BTF3L4: variants seen among roughly 807,000 people sequenced by gnomAD.
The protein encoded by BTF3L4 is basic transcription factor 3 like 4.
BTF3L4 carries 6 observed loss-of-function variants against 16.8 expected under a neutral mutation model. The observed-to-expected ratio is 0.36, with a 90% CI of 0.20 to 0.71. The LOEUF (loss-of-function observed/expected upper bound fraction) is 0.71, where lower values mean the gene tolerates loss of function less well. Ranked by LOEUF, BTF3L4 falls within the 30% of genes least tolerant of loss-of-function variation. The pLI is 0.58. For synonymous variants in BTF3L4, 39 were observed against 59.8 expected, an observed-to-expected ratio of 0.65 and a Z score of 1.60; for missense variants, 92 against 186.9, an observed-to-expected ratio of 0.49 and a Z score of 2.96.
intron 3 of BTF3L4, among the ~76,000 whole-genome samples, chr1:52,075,409 ACT>A (rs1423858069): frequency 4.8e-4 from 73 of 150,592 alleles, no homozygotes; most frequent in African/African-American, 1.7e-3. Context: ...AGCCCCAGCT[ACT>A]CTCAGGAGGC....
At position 52,083,364 on chromosome 1, in the gene BTF3L4, A is replaced by G; in HGVS notation, c.193A>G (p.Thr65Ala). ...GGTGAACATGATTAAAGATGATGGG[A>G]CAGTTATTCATTTCAACAATCCCAA... ...EEVNMIKDDG[T>A]VIHFNNPKVQ... Residue 65 changes from threonine to alanine, a missense_variant, in exon 4 of 6, where the codon ACA (threonine) becomes GCA (alanine). By Grantham distance (58) the Thr-to-Ala change is moderately conservative. Transcript: ENST00000313334. The G allele has an allele frequency of 6.2e-7, 1 of 1,613,174 alleles. No individual in the cohort carries two copies. The highest frequency in any genetic ancestry group is 8.5e-7 in the Non-Finnish European group (1 of 1,179,322).
intron 1 of BTF3L4, among the ~76,000 whole-genome samples, chr1:52,056,593 C>T (rs536644548): frequency 6.6e-6 from 1 of 152,376 alleles, no homozygotes; most frequent in East Asian, 1.9e-4. Context: ...CCACCGCCCC[C>T]TGTGGGAGCG....
At position 52,059,911 on chromosome 1, in the gene BTF3L4, G is replaced by T; in HGVS notation, c.54+10G>T. The T allele has an allele frequency of 6.2e-7, 1 of 1,606,858 alleles. No individual in the cohort carries two copies. Among genetic ancestry groups the T allele is most frequent in the African/African-American group, 1.3e-5 (1 of 74,760 alleles). On this transcript the variant is annotated intron_variant, in intron 2 of 5. Transcript: ENST00000313334. ...CCGGATAGGGGGCAAGGTGAGTGTGGCATAAGAAAAATTGATAGGAGAATG... is the reference window on the plus strand; with the variant it reads ...CCGGATAGGGGGCAAGGTGAGTGTGTCATAAGAAAAATTGATAGGAGAATG...
intron 3 of BTF3L4, among the ~76,000 whole-genome samples, chr1:52,068,399 C>CT (rs1416343888): frequency 2.6e-5 from 4 of 152,170 alleles, no homozygotes; most frequent in South Asian, 2.1e-4. Flanking sequence ...GGTGAGGAGA[C>CT]TAATTAGACA....
In BTF3L4 at chr1:52,059,693, T is replaced by G. The variant is rs118160101; in HGVS notation, c.-13-142T>G. 2.6e-3 allele frequency: 1,216 copies of G among 470,148 alleles called. 26 individuals carry two copies. In the East Asian group the frequency reaches 0.04, roughly 16 times the overall value. The allele number at this position is 470,148 out of a possible 1,614,324, so 29.1% of individuals were successfully genotyped here. On this transcript the variant is annotated intron_variant, in intron 1 of 5. Coordinates refer to ENST00000313334, the MANE Select transcript of BTF3L4 (RefSeq NM_152265.5). Reference sequence around the variant, plus strand: ...GAAGCTAGAACAAGTTATTAATGTTTATTAAGAATATAGACAGTATTAATA... The same window carrying G: ...GAAGCTAGAACAAGTTATTAATGTTGATTAAGAATATAGACAGTATTAATA...
Position 52,086,182 on chromosome 1 carries a change from T to G in BTF3L4, c.430+11T>G. On this transcript the variant is annotated intron_variant, in intron 5 of 5. Coordinates refer to ENST00000313334, the MANE Select transcript of BTF3L4 (RefSeq NM_152265.5). Reference sequence around the variant, plus strand: ...ATGATGATGTTCCAGGTAAGTGACATTTCCTTAGACTTAAGATTTTAAGCA... The same window carrying G: ...ATGATGATGTTCCAGGTAAGTGACAGTTCCTTAGACTTAAGATTTTAAGCA... 1 of 1,606,608 alleles carries G rather than the reference T, an allele frequency of 6.2e-7. No homozygotes were observed. Among genetic ancestry groups the G allele is most frequent in the Middle Eastern group, 1.7e-4 (1 of 6,044 alleles).
intron 1 of BTF3L4, among the ~76,000 whole-genome samples, chr1:52,057,829 T>A (rs1174579043): frequency 1.3e-5 from 2 of 152,256 alleles, no homozygotes; most frequent in African/African-American, 4.8e-5. Context: ...TCTGTTGTCC[T>A]GACCACCTGG....
At chr1:52,059,762 G>T (rs1346920445) in intron 1 of BTF3L4, 73 bp from the exon 2 acceptor site, 2 of 1,281,486 alleles carry the variant, frequency 1.6e-6, no homozygotes, top group Non-Finnish European at 2.3e-6. Flanking sequence ...TGAACCAGAA[G>T]GTACTGTTGC....
chr1:52,079,540 T>G (rs780791018), intron 3 of BTF3L4, among the ~76,000 whole-genome samples: 6 of 152,148 alleles, frequency 3.9e-5, no homozygotes, highest in Non-Finnish European at 8.8e-5. Context: ...ATGAATAAAT[T>G]TATTTATGTT....
rs1215809756 is a variant in BTF3L4, at chr1:52,090,656, A to G, written c.*3898A>G. The G allele has an allele frequency of 1.3e-5, 2 of 152,098 alleles. No homozygotes were observed. The highest frequency in any genetic ancestry group is 6.6e-5 in the Admixed American group (1 of 15,248). 9.4% of individuals were successfully genotyped at this position (152,098 alleles called of 1,614,324 possible). A position where few individuals can be genotyped will look rare whatever the true frequency, so the allele number is the denominator to read the frequency against. On this transcript the variant is annotated 3_prime_UTR_variant, in exon 6 of 6. Coordinates refer to ENST00000313334, the MANE Select transcript of BTF3L4 (RefSeq NM_152265.5). ...TAGTGCCCAATGTGTAGTTTACTCA[A>G]CATCATAATATGTAATGTTTTTCAA... is the stretch of plus-strand genomic sequence containing the variant.
intron 5 of BTF3L4, 52 bp from the exon 6 acceptor site, chr1:52,086,660 C>CT: frequency 8.1e-7 from 1 of 1,230,174 alleles, no homozygotes; most frequent in South Asian, 1.4e-5. Context: ...CCATTTACCT[C>CT]TTTTTCCTTT....
chr1:52,062,475 C>CA (rs1391634270), intron 2 of BTF3L4, among the ~76,000 whole-genome samples: 2 of 152,126 alleles, frequency 1.3e-5, no homozygotes, highest in Non-Finnish European at 2.9e-5. Flanking sequence ...GCTAGGATTA[C>CA]AGGTGTGAGC....
chr1:52,067,548 A>T (rs929534526), intron 3 of BTF3L4, among the ~76,000 whole-genome samples: 1 of 152,196 alleles, frequency 6.6e-6, no homozygotes, highest in Non-Finnish European at 1.5e-5. Flanking sequence ...ATATATTTTC[A>T]TGGACCTCAA....
chr1:52,086,676 A>G (rs781214409), intron 5 of BTF3L4, 36 bp from the exon 6 acceptor site: 2 of 1,371,762 alleles, frequency 1.5e-6, no homozygotes, highest in African/African-American at 1.5e-5. Flanking sequence ...CCTTTTTTGT[A>G]TTCTTTGATT....
At chr1:52,067,629 CTT>C (rs1207600318) in intron 3 of BTF3L4, among the ~76,000 whole-genome samples, 1 of 152,148 alleles carries the variant, frequency 6.6e-6, no homozygotes, top group Non-Finnish European at 1.5e-5. Context: ...TTTCAAACCT[CTT>C]TTTAAAAATC....
intron 2 of BTF3L4, chr1:52,060,546 G>A: frequency 8.2e-7 from 1 of 1,223,384 alleles, no homozygotes; most frequent in Non-Finnish European, 1.1e-6. Flanking sequence ...TGAAGTCTTT[G>A]ATTCTCTTCA....
intron 3 of BTF3L4, among the ~76,000 whole-genome samples, chr1:52,078,024 G>C (rs1205070421): frequency 6.6e-6 from 1 of 152,052 alleles, no homozygotes; most frequent in East Asian, 1.9e-4. Context: ...ACCTTAATGT[G>C]ACCCATCATC....
intron 2 of BTF3L4, 145 bp from the exon 3 acceptor site, chr1:52,064,680 C>T (rs965370440): frequency 4.1e-6 from 2 of 492,512 alleles, no homozygotes. Flanking sequence ...CAATCACAAC[C>T]TCTGAGAAGT....
intron 2 of BTF3L4, among the ~76,000 whole-genome samples, chr1:52,062,499 C>T (rs930597662): frequency 1.3e-5 from 2 of 152,124 alleles, no homozygotes; most frequent in South Asian, 2.1e-4. Flanking sequence ...CGCGCTCGGC[C>T]GGTACAGCTG....
Sources: gnomAD v4.1 joint callset for allele counts (sites outside exome capture counted in the v4.1 genomes callset) on GRCh38, gnomAD v4.1.1 for gene constraint, MANE v1.5 for transcripts, NCBI Gene and HGNC (gene_info 2026-07-23, HGNC 2026-07-21) for gene names.